DRC7: variants seen among roughly 807,000 people sequenced by gnomAD.
DRC7 encodes dynein regulatory complex subunit 7.
DRC7 carries 80 observed loss-of-function variants against 104.4 expected under a neutral mutation model. That is an observed-to-expected ratio of 0.77 (90% confidence interval 0.64 to 0.92). The LOEUF is 0.92. Ranked by LOEUF, DRC7 falls within the 40% of genes least tolerant of loss-of-function variation. DRC7 has a pLI of 0.00. For missense variants in DRC7, 1,034 were observed against 1,141.1 expected, an observed-to-expected ratio of 0.91 and a Z score of 1.35; for synonymous variants, 405 against 447.3, an observed-to-expected ratio of 0.91 and a Z score of 1.19.
intron 8 of DRC7, among the ~76,000 whole-genome samples, chr16:57,712,531 C>T (rs372278931): frequency 2.0e-5 from 3 of 152,104 alleles, no homozygotes; most frequent in African/African-American, 7.2e-5. Context: ...GGTTTTTCTC[C>T]GTTGTTTTTG....
chr16:57,707,158 G>C (rs970039362), intron 7 of DRC7, among the ~76,000 whole-genome samples: 1 of 152,224 alleles, frequency 6.6e-6, no homozygotes, highest in Admixed American at 6.5e-5. Context: ...TTTCCTTTCT[G>C]TGGATGAAAC....
chr16:57,707,552 C>T lies in DRC7; in HGVS notation c.951C>T (p.Asn317=), dbSNP rs765217504. 41 of 1,613,500 alleles carry T rather than the reference C, an allele frequency of 2.5e-5. No homozygotes were observed. Among genetic ancestry groups the T allele is most frequent in the Non-Finnish European group, 3.2e-5 (38 of 1,180,030 alleles). Residue 317 remains asparagine, a synonymous_variant, in exon 8 of 19, where the codon AAC becomes AAT. Transcript: ENST00000360716. ...VLSGKREVPE[N]FFIDPFTGHS... Reference sequence around the variant, plus strand: ...CGGGGAAGCGCGAGGTGCCTGAGAACTTCTTCATCGACCCATTCACAGGAC... The same window carrying T: ...CGGGGAAGCGCGAGGTGCCTGAGAATTTCTTCATCGACCCATTCACAGGAC...
At chr16:57,711,058 G>A (rs1313303417) in intron 8 of DRC7, among the ~76,000 whole-genome samples, 1 of 152,192 alleles carries the variant, frequency 6.6e-6, no homozygotes, top group African/African-American at 2.4e-5. Flanking sequence ...GAATTGGCAT[G>A]ATTTCCTTTG....
intron 12 of DRC7, among the ~76,000 whole-genome samples, chr16:57,723,564 C>CA (rs1350159295): frequency 2.6e-5 from 4 of 151,930 alleles, no homozygotes; most frequent in African/African-American, 4.8e-5. Flanking sequence ...CCCATCTCTA[C>CA]AAAAAATATA....
chr16:57,704,121 G>A (rs745817352), intron 6 of DRC7, among the ~76,000 whole-genome samples: 17 of 152,164 alleles, frequency 1.1e-4, no homozygotes, highest in Non-Finnish European at 2.2e-4. Context: ...CATTGTGCTT[G>A]TTGCTCCCCA....
chr16:57,711,372 T>C (rs1199712462), intron 8 of DRC7, among the ~76,000 whole-genome samples: 2 of 152,268 alleles, frequency 1.3e-5, no homozygotes, highest in African/African-American at 2.4e-5. Context: ...TAGAGGTTTA[T>C]CAATTTTGTT....
Position 57,726,940 on chromosome 16 carries a change from G to C in DRC7, c.2083G>C (p.Glu695Gln), listed in dbSNP as rs1328702572. 2 of 1,594,986 alleles carry C rather than the reference G, an allele frequency of 1.3e-6. No homozygotes were observed. Among genetic ancestry groups the C allele is most frequent in the African/African-American group, 2.7e-5 (2 of 74,678 alleles). Residue 695 changes from glutamate to glutamine, a missense_variant and splice_region_variant, in exon 15 of 19, where the codon GAG becomes CAG. By Grantham distance (29) the Glu-to-Gln change is conservative. Transcript: ENST00000360716. ...SRHQVWESEL[E>Q]VLEILKLREE... ...ACATCAGGTCTGGGAGTCAGAGCTG[G>C]AGGTAGGGTCCTGTGGGAGAGTGAG...
intron 8 of DRC7, chr16:57,715,036 T>A: frequency 9.0e-6 from 2 of 223,142 alleles, no homozygotes; most frequent in Non-Finnish European, 1.8e-5. Flanking sequence ...TTCTATATAG[T>A]TTTCCACACT....
intron 17 of DRC7, among the ~76,000 whole-genome samples, chr16:57,729,752 AGGTGGGTGGATGGATGAGTGGGTG>A (rs1272886486): frequency 1.1e-4 from 1 of 9,424 alleles, no homozygotes; most frequent in African/African-American, 4.9e-4. Flanking sequence ...GTGAGTGAGC[AGGTGGGTGGATGGATGAGTGGGTG>A]GGTGGGTGGA....
chr16:57,726,924 C>G lies in DRC7; in HGVS notation c.2067C>G (p.Val689=). 6.2e-7 allele frequency: 1 copy of G among 1,611,168 alleles called. No homozygotes were observed. The highest frequency in any genetic ancestry group is 8.5e-7 in the Non-Finnish European group (1 of 1,178,070). ...KREEKLSRHQ[V]WESELEVLEI... is the part of the protein sequence containing the mutation. ...AGGAGAAGCTGTCCAGACATCAGGT[C>G]TGGGAGTCAGAGCTGGAGGTAGGGT... Residue 689 remains valine (V), a synonymous_variant, in exon 15 of 19, where the codon GTC becomes GTG. Transcript: ENST00000360716.
chr16:57,722,801 T>C lies in DRC7; in HGVS notation c.1368T>C (p.Asn456=), dbSNP rs2048918038. ...LEKWAPYLNS[N]GLVSRLTTYE... ...AGTGGGCCCCGTACCTCAATAGCAA[T>C]GGCCTTGTGAGCCGCCTCACCACCT... is the stretch of plus-strand genomic sequence containing the variant. Residue 456 remains asparagine, a synonymous_variant, in exon 11 of 19, where the codon AAT becomes AAC. Transcript: ENST00000360716. 1 of 1,613,720 alleles carries C rather than the reference T, an allele frequency of 6.2e-7. No individual in the cohort carries two copies. Among genetic ancestry groups the C allele is most frequent in the African/African-American group, 1.3e-5 (1 of 74,898 alleles).
At chr16:57,715,321 A>G (rs565826976) in intron 8 of DRC7, among the ~76,000 whole-genome samples, 18 of 152,232 alleles carry the variant, frequency 1.2e-4, no homozygotes, top group Non-Finnish European at 1.8e-4. Flanking sequence ...AAGTGTTGGG[A>G]TTACAGGCAT....
intron 10 of DRC7, among the ~76,000 whole-genome samples, 158 bp from the exon 11 acceptor site, chr16:57,722,555 C>T (rs2148765666): frequency 6.6e-6 from 1 of 152,204 alleles, no homozygotes; most frequent in South Asian, 2.1e-4. Context: ...CTGGAGCCAC[C>T]CCTGGTGATT....
At chr16:57,715,485 TG>T (rs1399968515) in intron 8 of DRC7, among the ~76,000 whole-genome samples, 1 of 152,240 alleles carries the variant, frequency 6.6e-6, no homozygotes, top group African/African-American at 2.4e-5. Context: ...TCTGTCTTTG[TG>T]AAGAAGTCAG....
At position 57,702,095 on chromosome 16, in the gene DRC7, C is replaced by G. The variant is rs752330277; in HGVS notation, c.664C>G (p.Arg222Gly). ...GGACCTGTGCCACATGGACCTGACG[C>G]GGGAGGTGTGCCCACTCACTGTGAA... ...SLDLCHMDLT[R>G]EVCPLTVKPK... Residue 222 changes from arginine (R) to glycine (G), a missense_variant, in exon 6 of 19, where the codon CGG becomes GGG. Physicochemically the swap from Arg to Gly is moderately radical, Grantham distance 125 (BLOSUM62 -2). Transcript: ENST00000360716. The G allele has an allele frequency of 1.1e-5, 17 of 1,614,018 alleles. No homozygotes were observed. The highest frequency in any genetic ancestry group is 1.7e-5 in the Admixed American group (1 of 60,006).
chr16:57,698,934 G>A lies in DRC7; in HGVS notation c.288G>A (p.Gln96=). The A allele has an allele frequency of 6.2e-7, 1 of 1,614,178 alleles. No individual in the cohort carries two copies. ...TNTPKEEHLL[Q]VADNFSRQYS... ...CACCCAAGGAGGAACACCTGCTGCAGGTGGCAGACAACTTCTCCCGCCAGT... is the reference window on the plus strand; with the variant it reads ...CACCCAAGGAGGAACACCTGCTGCAAGTGGCAGACAACTTCTCCCGCCAGT... Residue 96 remains glutamine, a synonymous_variant, in exon 4 of 19, where the codon CAG becomes CAA. Coordinates refer to ENST00000360716, the MANE Select transcript of DRC7 (RefSeq NM_001289162.2).
chr16:57,696,192 G>A (rs375171331), intron 1 of DRC7, among the ~76,000 whole-genome samples: 1 of 152,170 alleles, frequency 6.6e-6, no homozygotes, highest in Non-Finnish European at 1.5e-5. Context: ...GGCGTTGGGT[G>A]GTGTGGAACA....
Position 57,723,123 on chromosome 16 carries a change from T to C in DRC7, c.1530T>C (p.Ala510=). 6.2e-7 allele frequency: 1 copy of C among 1,613,550 alleles called. No homozygotes were observed. Among genetic ancestry groups the C allele is most frequent in the Non-Finnish European group, 8.5e-7 (1 of 1,179,918 alleles). The change falls in exon 12 of 19, where the codon GCT becomes GCC. Residue 510 remains alanine, a synonymous_variant. Transcript: ENST00000360716. The part of the protein sequence containing the change: ...TDYFKPGHPQ[A]LRVHSYKSMQ... ...ACTTCAAGCCTGGCCACCCCCAGGC[T>C]CTGCGCGGTGCGTGGCTCCCCTTTC...
At chr16:57,707,181 C>T (rs78045869) in intron 7 of DRC7, among the ~76,000 whole-genome samples, 5,163 of 152,292 alleles carry the variant, frequency 0.034, 138 homozygotes, top group South Asian at 0.096. Context: ...CACCCAAAGT[C>T]ATAACATATA....
Sources: gnomAD v4.1 joint callset for allele counts (sites outside exome capture counted in the v4.1 genomes callset) on GRCh38, gnomAD v4.1.1 for gene constraint, MANE v1.5 for transcripts, NCBI Gene and HGNC (gene_info 2026-07-23, HGNC 2026-07-21) for gene names.